Variants in ROBO2 observed in about 807,000 individuals in gnomAD.
The protein encoded by ROBO2 is roundabout guidance receptor 2, also known as roundabout homolog 2.
ROBO2 carries 53 observed loss-of-function variants against 160.8 expected under a neutral mutation model. The ratio of observed to expected loss-of-function variants is 0.33; its 90% CI spans 0.26 to 0.41. The LOEUF (loss-of-function observed/expected upper bound fraction) is 0.41, where lower values mean the gene tolerates loss of function less well. Ranked by LOEUF, ROBO2 falls within the 10% of genes least tolerant of loss-of-function variation. The probability of loss-of-function intolerance (pLI) is 1.00; values close to 1 mark genes in which losing one functional copy is unlikely to be tolerated. For synonymous variants in ROBO2, 664 were observed against 611.7 expected, an observed-to-expected ratio of 1.09 and a Z score of -1.26; for missense variants, 1,577 against 1,722.4, an observed-to-expected ratio of 0.92 and a Z score of 1.49.
chr3:76,685,241 A>G (rs900692056), intron 2 of ROBO2, among the ~76,000 whole-genome samples: 2 of 150,234 alleles, frequency 1.3e-5, no homozygotes, highest in African/African-American at 2.4e-5. Context: ...AGTACCAAAA[A>G]GTATCTGGGA....
intron 2 of ROBO2, among the ~76,000 whole-genome samples, chr3:76,132,655 C>T (rs538777473): frequency 1.9e-4 from 29 of 152,186 alleles, no homozygotes; most frequent in African/African-American, 6.5e-4. Flanking sequence ...GGAACTGGAT[C>T]CCTGGCTTTA....
intron 1 of ROBO2, among the ~76,000 whole-genome samples, chr3:77,086,888 G>A (rs957900108): frequency 6.6e-6 from 1 of 152,086 alleles, no homozygotes; most frequent in Non-Finnish European, 1.5e-5. Flanking sequence ...TGAAATTTCA[G>A]GTAGGATCAT....
At chr3:76,547,827 A>G (rs1464702678) in intron 2 of ROBO2, among the ~76,000 whole-genome samples, 4 of 152,066 alleles carry the variant, frequency 2.6e-5, no homozygotes, top group African/African-American at 9.7e-5. Flanking sequence ...CATTATCTCT[A>G]GGGTACTGTT....
At chr3:77,402,777 A>T (rs1314237524) in intron 2 of ROBO2, among the ~76,000 whole-genome samples, 1 of 152,054 alleles carries the variant, frequency 6.6e-6, no homozygotes, top group Non-Finnish European at 1.5e-5. Context: ...AAGGGATGCA[A>T]GGCCTCAGAA....
At chr3:77,441,336 A>G (rs1325058457) in intron 2 of ROBO2, among the ~76,000 whole-genome samples, 1 of 151,710 alleles carries the variant, frequency 6.6e-6, no homozygotes, top group Non-Finnish European at 1.5e-5. Context: ...TTGAAATATT[A>G]TTGTTTCATT....
intron 2 of ROBO2, among the ~76,000 whole-genome samples, chr3:76,948,892 ATATATATATATATATATTT>A (rs2078752336): frequency 3.9e-5 from 1 of 25,876 alleles, no homozygotes; most frequent in South Asian, 1.5e-3. Flanking sequence ...ATATATATAT[ATATATATATATATATATTT>A]TTTTTTTTTT....
rs80279460 is a variant in ROBO2, at chr3:76,442,961, G to A, written c.109+505359G>A. Among the ~76,000 whole-genome samples, 249 of 152,158 alleles carry A rather than the reference G, an allele frequency of 1.6e-3. 2 individuals are homozygous for A. Among genetic ancestry groups the A allele is most frequent in the African/African-American group, 5.8e-3 (240 of 41,508 alleles). On this transcript the variant is annotated intron_variant, in intron 2 of 26. Transcript: ENST00000487694. ...GTGTTGCTATAAAAGATTAATCGAA[G>A]CTGGGTAATTTATAAAGAAAAAAGG...
chr3:76,582,722 G>T (rs1366123789), intron 2 of ROBO2, among the ~76,000 whole-genome samples: 1 of 152,034 alleles, frequency 6.6e-6, no homozygotes, highest in Non-Finnish European at 1.5e-5. Context: ...AGTGTTGGTG[G>T]TCAGTATGGT....
At chr3:76,564,951 A>G (rs1450880329) in intron 2 of ROBO2, among the ~76,000 whole-genome samples, 1 of 152,190 alleles carries the variant, frequency 6.6e-6, no homozygotes, top group African/African-American at 2.4e-5. Context: ...ATGACCATAA[A>G]ATTTATCTGA....
chr3:77,611,730 A>C (rs573351318), intron 21 of ROBO2, among the ~76,000 whole-genome samples: 1 of 152,220 alleles, frequency 6.6e-6, no homozygotes, highest in East Asian at 1.9e-4. Context: ...GAATATCAAA[A>C]GTTATCAAAC....
intron 2 of ROBO2, among the ~76,000 whole-genome samples, chr3:76,195,353 G>C (rs1046662849): frequency 6.6e-6 from 1 of 152,130 alleles, no homozygotes; most frequent in African/African-American, 2.4e-5. Flanking sequence ...GGAACTCACA[G>C]ATCACCTGAC....
intron 2 of ROBO2, among the ~76,000 whole-genome samples, chr3:76,253,784 A>G (rs1706186499): frequency 6.6e-6 from 1 of 151,862 alleles, no homozygotes; most frequent in Non-Finnish European, 1.5e-5. Flanking sequence ...TATCCATTCC[A>G]GTAACTTAGA....
At chr3:76,122,064 A>G (rs2108293365) in intron 2 of ROBO2, among the ~76,000 whole-genome samples, 1 of 152,346 alleles carries the variant, frequency 6.6e-6, no homozygotes, top group East Asian at 1.9e-4. Context: ...TTACATGCAA[A>G]AACACTGCAT....
At chr3:76,242,371 TATA>T (rs1035654279) in intron 2 of ROBO2, among the ~76,000 whole-genome samples, 11 of 152,206 alleles carry the variant, frequency 7.2e-5, no homozygotes, top group African/African-American at 2.6e-4. Context: ...CTTGTACTAT[TATA>T]ATATTAGATA....
intron 2 of ROBO2, among the ~76,000 whole-genome samples, chr3:76,706,293 T>C (rs2093161692): frequency 6.6e-6 from 1 of 152,106 alleles, no homozygotes; most frequent in Non-Finnish European, 1.5e-5. Context: ...TTACAGTTCC[T>C]TTGTTCCAGT....
intron 2 of ROBO2, among the ~76,000 whole-genome samples, chr3:76,631,353 C>CCAACT (rs2090017046): frequency 6.6e-6 from 1 of 151,836 alleles, no homozygotes; most frequent in Non-Finnish European, 1.5e-5. Context: ...CGTTAAAATG[C>CCAACT]GGGAGCCTCT....
At chr3:76,209,604 T>A (rs1284710145) in intron 2 of ROBO2, among the ~76,000 whole-genome samples, 1 of 152,146 alleles carries the variant, frequency 6.6e-6, no homozygotes, top group Non-Finnish European at 1.5e-5. Context: ...CCCTCAGGAA[T>A]ACTTCATAGG....
At chr3:77,362,629 A>G (rs893183743) in intron 2 of ROBO2, among the ~76,000 whole-genome samples, 1 of 152,154 alleles carries the variant, frequency 6.6e-6, no homozygotes, top group Non-Finnish European at 1.5e-5. Context: ...AATTGTCAGA[A>G]CTAAAACTAA....
chr3:76,909,109 C>A (rs1246047977), intron 2 of ROBO2, among the ~76,000 whole-genome samples: 1 of 152,054 alleles, frequency 6.6e-6, no homozygotes, highest in African/African-American at 2.4e-5. Context: ...AGCCTGTTGT[C>A]CCAACTACTC....
Sources: allele counts gnomAD v4.1 joint callset (sites outside exome capture counted in the v4.1 genomes callset), GRCh38; gene constraint gnomAD v4.1.1; transcripts MANE v1.5; gene names NCBI Gene and HGNC (gene_info 2026-07-23, HGNC 2026-07-21).